The following KCNH6 variants were observed in gnomAD, a reference collection of about 807,000 sequenced individuals.
KCNH6 encodes potassium voltage-gated channel subfamily H member 6, also known as voltage-gated inwardly rectifying potassium channel KCNH6.
A neutral mutation model predicts 83.4 loss-of-function variants in KCNH6; 81 were observed. The ratio of observed to expected loss-of-function variants is 0.97; its 90% CI spans 0.81 to 1.17. The LOEUF (loss-of-function observed/expected upper bound fraction) is 1.17. KCNH6 is among the 50% of genes most tolerant of loss of function. The probability of loss-of-function intolerance (pLI) is 0.00; values close to 1 mark genes in which losing one functional copy is unlikely to be tolerated. For missense variants in KCNH6, 1,203 were observed against 1,290.5 expected (o/e 0.93, Z 1.04); for synonymous variants, 503 against 545.6 (o/e 0.92, Z 1.09).
intron 2 of KCNH6, among the ~76,000 whole-genome samples, chr17:63,525,723 A>T (rs1186543590): frequency 6.6e-6 from 1 of 152,170 alleles, no homozygotes; most frequent in Non-Finnish European, 1.5e-5. Flanking sequence ...GGCAGTGGGA[A>T]GTGCAACAGG....
At chr17:63,541,432 G>C (rs964297835) in intron 8 of KCNH6, among the ~76,000 whole-genome samples, 1 of 151,696 alleles carries the variant, frequency 6.6e-6, no homozygotes, top group Admixed American at 6.6e-5. Flanking sequence ...GGGATTACAG[G>C]CCACCATGCC....
rs760006998 is a variant in KCNH6, at chr17:63,524,296, C to T, written c.234C>T (p.Ala78=). 15 of 1,613,908 alleles carry T rather than the reference C, an allele frequency of 9.3e-6. No individual in the cohort carries two copies. The highest frequency in any genetic ancestry group is 4.5e-5 in the East Asian group (2 of 44,900). Residue 78 remains alanine (A), a synonymous_variant, in exon 2 of 13, where the codon GCC becomes GCT. Coordinates refer to ENST00000314672, the MANE Select transcript of KCNH6 (RefSeq NM_001278919.2). The stretch of plus-strand genomic sequence containing the variant: ...CAGGCCCCAACACACCAAGCAGCGC[C>T]GTGTCCCGCCTAGCGCAGGCCCTGC... ...FLTGPNTPSS[A]VSRLAQALLG...
In KCNH6 at chr17:63,546,012, G is replaced by C. The variant is rs2033131918; in HGVS notation, c.*110G>C. The C allele has an allele frequency of 2.8e-5, 28 of 1,008,130 alleles. 1 individual carries two copies. The South Asian group carries it at 4.3e-4, about 16-fold the overall frequency. The allele number at this position is 1,008,130 out of a possible 1,614,324, so 62.4% of individuals were successfully genotyped here. ...CTCGCCTGTAATCCCAGCACTTTGG[G>C]AGGCCGAGGCGGGCGGATCAGACCA... On this transcript the variant is annotated 3_prime_UTR_variant, in exon 13 of 13. Transcript: ENST00000314672.
chr17:63,544,033 C>T (rs1191299500), intron 10 of KCNH6: 1 of 1,573,704 alleles, frequency 6.4e-7, no homozygotes, highest in Admixed American at 1.8e-5. Flanking sequence ...GAGCTGGGGC[C>T]CCAGTTCCCC....
intron 10 of KCNH6, 50 bp from the exon 11 acceptor site, chr17:63,544,199 G>T: frequency 1.9e-6 from 3 of 1,601,904 alleles, no homozygotes; most frequent in Non-Finnish European, 2.6e-6. Flanking sequence ...GAAGGGTCAG[G>T]CCTGTGGAAC....
At chr17:63,531,946 G>A in intron 4 of KCNH6, among the ~76,000 whole-genome samples, 1 of 152,162 alleles carries the variant, frequency 6.6e-6, no homozygotes, top group East Asian at 1.9e-4. Flanking sequence ...AGCAGGCGAG[G>A]ACCCAGATCA....
At chr17:63,537,875 G>A (rs2032597318) in intron 6 of KCNH6, among the ~76,000 whole-genome samples, 190 bp from the exon 7 acceptor site, 1 of 152,240 alleles carries the variant, frequency 6.6e-6, no homozygotes, top group South Asian at 2.1e-4. Context: ...CAGGACAGAG[G>A]GAGGAGGGCA....
At chr17:63,528,789 C>T (rs1472937103) in intron 2 of KCNH6, among the ~76,000 whole-genome samples, 1 of 152,148 alleles carries the variant, frequency 6.6e-6, no homozygotes, top group African/African-American at 2.4e-5. Flanking sequence ...GGAGAGGGTG[C>T]TCGTGGGGTG....
chr17:63,528,909 ACTGCAAC>A (rs2031899742), intron 2 of KCNH6, among the ~76,000 whole-genome samples: 1 of 152,104 alleles, frequency 6.6e-6, no homozygotes, highest in East Asian at 1.9e-4. Context: ...ATCTTGGTTC[ACTGCAAC>A]CTTGGCCTCC....
chr17:63,530,567 G>A (rs1277625437), intron 4 of KCNH6, 25 bp downstream of exon 4: 1 of 1,609,516 alleles, frequency 6.2e-7, no homozygotes, highest in Non-Finnish European at 8.5e-7. Flanking sequence ...AGCAGGGTGT[G>A]CAGAGCTGTG....
Position 63,538,011 on chromosome 17 carries a change from G to A in KCNH6, c.1502-54G>A. 3 of 1,557,398 alleles carry A rather than the reference G, an allele frequency of 1.9e-6. No individual in the cohort carries two copies. The highest frequency in any genetic ancestry group is 2.3e-5 in the East Asian group (1 of 43,320). Reference sequence around the variant, plus strand: ...AGGAGGAAGACCTGGGTAAGCCCTTGGTGGTGTGGCCCAGTGGGGCCGCGG... The same window carrying A: ...AGGAGGAAGACCTGGGTAAGCCCTTAGTGGTGTGGCCCAGTGGGGCCGCGG... On this transcript the variant is annotated intron_variant, in intron 6 of 12. Transcript: ENST00000314672. The surrounding 1 kb of genome is among the most constrained non-coding windows in gnomAD (Gnocchi z 4.0).
At chr17:63,525,856 G>T (rs766743522) in intron 2 of KCNH6, among the ~76,000 whole-genome samples, 18 of 152,228 alleles carry the variant, frequency 1.2e-4, no homozygotes, top group Non-Finnish European at 2.1e-4. Context: ...GCAGAGGAGA[G>T]GTGGCAGTCA....
Position 63,542,133 on chromosome 17 carries a change from C to T in KCNH6, c.1955-108C>T, listed in dbSNP as rs41280096. On this transcript the variant is annotated intron_variant, in intron 8 of 12. Transcript: ENST00000314672. ...CCAGAGCTCTATCCCAGGCAGCAGGCCCCGGCCTAGAAGGATGTCCGAGGT... is the reference window on the plus strand; with the variant it reads ...CCAGAGCTCTATCCCAGGCAGCAGGTCCCGGCCTAGAAGGATGTCCGAGGT... 695 of 1,165,058 alleles carry T rather than the reference C, an allele frequency of 6.0e-4. 2 individuals carry two copies. The highest frequency in any genetic ancestry group is 7.6e-4 in the Non-Finnish European group (618 of 812,950). 72.2% of individuals were successfully genotyped at this position (1,165,058 alleles called of 1,614,324 possible).
intron 2 of KCNH6, 76 bp from the exon 3 acceptor site, chr17:63,530,014 GC>G: frequency 6.6e-7 from 1 of 1,508,298 alleles, no homozygotes; most frequent in Non-Finnish European, 9.0e-7. Flanking sequence ...CCTTCACTCA[GC>G]CCCTTCCCTA....
rs562011690 is a variant in KCNH6, at chr17:63,523,782, C to A, written c.76+293C>A. Among the ~76,000 whole-genome samples, 1 of 152,096 alleles carries A rather than the reference C, an allele frequency of 6.6e-6. No homozygotes were observed. Among genetic ancestry groups the A allele is most frequent in the Non-Finnish European group, 1.5e-5 (1 of 68,026 alleles). ...CCTCCCCTTCCAGCCACTGCCTGCC[C>A]CCTCATCCGCGTCCTCCAGAGGCTT... On this transcript the variant is annotated intron_variant, in intron 1 of 12. Transcript: ENST00000314672. The surrounding 1 kb of genome is among the most constrained non-coding windows in gnomAD (Gnocchi z 4.2).
downstream of KCNH6, among the ~76,000 whole-genome samples, chr17:63,546,904 G>A (rs2033159716): frequency 6.6e-6 from 1 of 152,194 alleles, no homozygotes; most frequent in South Asian, 2.1e-4. Context: ...AGGCCGAGGT[G>A]AAGGGAAGCA....
chr17:63,548,203 T>G (rs1315597387), downstream of KCNH6, among the ~76,000 whole-genome samples: 1 of 151,856 alleles, frequency 6.6e-6, no homozygotes, highest in Non-Finnish European at 1.5e-5. Context: ...GAGGTGGAGC[T>G]TGTAGTGAGC....
At chr17:63,530,295 T>C (rs377211755) in intron 3 of KCNH6, 42 bp from the exon 4 acceptor site, 405 of 1,613,492 alleles carry the variant, frequency 2.5e-4, no homozygotes, top group Non-Finnish European at 3.2e-4. Flanking sequence ...CGCATGAGGG[T>C]CCCCTGGCCG....
downstream of KCNH6, among the ~76,000 whole-genome samples, chr17:63,547,138 A>G (rs887455067): frequency 1.3e-5 from 2 of 152,208 alleles, no homozygotes; most frequent in African/African-American, 4.8e-5. Flanking sequence ...AGGTGCAGGT[A>G]CTGTTCTGTT....
Sources: allele counts gnomAD v4.1 joint callset (sites outside exome capture counted in the v4.1 genomes callset), GRCh38; gene constraint gnomAD v4.1.1; non-coding constraint Gnocchi (gnomAD v3.1); transcripts MANE v1.5; gene names NCBI Gene and HGNC (gene_info 2026-07-23, HGNC 2026-07-21).